The following MDH2 variants were observed in gnomAD, a reference collection of about 807,000 sequenced individuals.
MDH2 encodes malate dehydrogenase, mitochondrial.
A neutral mutation model predicts 33.6 loss-of-function variants in MDH2; 25 were observed. That is an observed-to-expected ratio of 0.74 (90% CI 0.54 to 1.04). MDH2 has a LOEUF of 1.04. MDH2 is among the 50% of genes least tolerant of loss of function. The probability of loss-of-function intolerance (pLI) is 0.00; values close to 1 mark genes in which losing one functional copy is unlikely to be tolerated. For missense variants in MDH2, 432 were observed against 445.0 expected (o/e 0.97, Z 0.26); for synonymous variants, 193 against 188.7 (o/e 1.02, Z -0.19).
At chr7:76,063,221 T>C (rs899517963) in intron 5 of MDH2, among the ~76,000 whole-genome samples, 1 of 152,114 alleles carries the variant, frequency 6.6e-6, no homozygotes, top group Non-Finnish European at 1.5e-5. Flanking sequence ...GGCAGCATCC[T>C]CCCATGCCCA....
intron 1 of MDH2, 35 bp downstream of exon 1, chr7:76,048,261 C>A (rs575482574): frequency 6.2e-5 from 95 of 1,523,702 alleles, no homozygotes; most frequent in Non-Finnish European, 7.9e-5. Flanking sequence ...CAGGCGGAGG[C>A]CCCCCGGCCC....
chr7:76,055,865 G>A (rs1436937943), intron 2 of MDH2, among the ~76,000 whole-genome samples: 1 of 127,792 alleles, frequency 7.8e-6, no homozygotes, highest in Non-Finnish European at 1.6e-5. Flanking sequence ...GTCTTCCTCT[G>A]TGTCCCAGAT....
At chr7:76,048,486 T>G (rs10243907) in intron 1 of MDH2, 1,271,782 of 1,275,150 alleles carry the variant, frequency 1, 634,284 homozygotes, top group East Asian at 1. Flanking sequence ...CTCCCAGATT[T>G]CCCAGAGGAC....
chr7:76,061,144 G>T (rs1797935608), intron 5 of MDH2, among the ~76,000 whole-genome samples: 1 of 152,264 alleles, frequency 6.6e-6, no homozygotes, highest in African/African-American at 2.4e-5. Context: ...GCCTGCTTTC[G>T]ACTTGCTTCC....
At position 76,064,799 on chromosome 7, in the gene MDH2, T is replaced by C; in HGVS notation, c.734-3T>C. 1 of 1,612,888 alleles carries C rather than the reference T, an allele frequency of 6.2e-7. No individual in the cohort carries two copies. The highest frequency in any genetic ancestry group is 1.1e-5 in the South Asian group (1 of 90,944). ...CCAGGCTGACCTGTCTGTGCCCCCC[T>C]AGGCTCTGCCACCCTCTCCATGGCG... On this transcript the variant is annotated splice_region_variant and splice_polypyrimidine_tract_variant and intron_variant, in intron 7 of 8. Transcript: ENST00000315758.
chr7:76,054,901 C>G lies in MDH2; in HGVS notation c.138C>G (p.Asn46Lys), dbSNP rs115117282. The change falls in exon 2 of 9, where the codon AAC (asparagine) becomes AAG (lysine). Residue 46 changes from asparagine to lysine, a missense_variant. Physicochemically the swap from Asn to Lys is moderately conservative, Grantham distance 94. Coordinates refer to ENST00000315758, the MANE Select transcript of MDH2 (RefSeq NM_005918.4). ...AGCCACTTTCACTTCTCCTGAAGAA[C>G]AGCCCCTTGGTGAGCCGCCTGACCC... ...IGQPLSLLLK[N>K]SPLVSRLTLY... The G allele has an allele frequency of 2.6e-5, 42 of 1,614,158 alleles. No homozygotes were observed. Among genetic ancestry groups the G allele is most frequent in the African/African-American group, 1.7e-4 (13 of 75,042 alleles).
intron 8 of MDH2, 47 bp downstream of exon 8, chr7:76,065,000 T>C (rs369525650): frequency 2.1e-5 from 34 of 1,599,398 alleles, no homozygotes; most frequent in Non-Finnish European, 2.8e-5. Flanking sequence ...TAAGGGGGCG[T>C]TCCCTTTGCT....
At chr7:76,048,435 C>T in intron 1 of MDH2, 1 of 1,125,394 alleles carries the variant, frequency 8.9e-7, no homozygotes, top group Non-Finnish European at 1.2e-6. Flanking sequence ...GCGAGGTAGT[C>T]CCGCTCCAGG....
intron 2 of MDH2, 148 bp downstream of exon 2, chr7:76,055,146 T>G: frequency 1.1e-6 from 1 of 902,304 alleles, no homozygotes; most frequent in East Asian, 2.9e-5. Flanking sequence ...ATTACACCCT[T>G]TTAGACTTGG....
intron 1 of MDH2, among the ~76,000 whole-genome samples, chr7:76,053,179 G>A (rs1160192804): frequency 1.3e-5 from 2 of 152,216 alleles, no homozygotes; most frequent in Non-Finnish European, 2.9e-5. Flanking sequence ...TAAGAAGGAG[G>A]TGGCAGAAGA....
chr7:76,058,177 C>G, intron 4 of MDH2, 99 bp downstream of exon 4: 1 of 1,117,248 alleles, frequency 9.0e-7, no homozygotes, highest in South Asian at 1.4e-5. Flanking sequence ...TGCTGATGTG[C>G]TGGGGGGATG....
chr7:76,064,334 T>G lies in MDH2; in HGVS notation c.634-5T>G, dbSNP rs1333004384. ...CACTCACTGATCCCATGGCTTGGCT[T>G]GCAGTGCACCCCCAAGGTGGACTTT... is the stretch of plus-strand genomic sequence containing the variant. On this transcript the variant is annotated splice_polypyrimidine_tract_variant and splice_region_variant and intron_variant, in intron 6 of 8. Transcript: ENST00000315758. The G allele has an allele frequency of 1.2e-6, 2 of 1,609,032 alleles. No individual in the cohort carries two copies. Among genetic ancestry groups the G allele is most frequent in the Middle Eastern group, 1.7e-4 (1 of 6,032 alleles).
chr7:76,054,693 C>T, intron 1 of MDH2, 137 bp from the exon 2 acceptor site: 1 of 993,500 alleles, frequency 1.0e-6, no homozygotes, highest in Non-Finnish European at 1.5e-6. Context: ...CAGAATGAGA[C>T]TGTTACAAAT....
At chr7:76,054,229 C>T (rs782499618) in intron 1 of MDH2, among the ~76,000 whole-genome samples, 1 of 148,208 alleles carries the variant, frequency 6.7e-6, no homozygotes, top group Non-Finnish European at 1.5e-5. Flanking sequence ...TCGCAACGTA[C>T]GTAACCCCTT....
At chr7:76,062,269 G>A (rs747386307) in intron 5 of MDH2, among the ~76,000 whole-genome samples, 21 of 152,182 alleles carry the variant, frequency 1.4e-4, no homozygotes, top group East Asian at 1.9e-4. Context: ...CTGCAAAGTC[G>A]CCTTGTCCCC....
chr7:76,054,622 T>C, intron 1 of MDH2: 1 of 620,450 alleles, frequency 1.6e-6, no homozygotes, highest in South Asian at 1.9e-5. Flanking sequence ...TCACAGACTC[T>C]ACAGACATAA....
intron 4 of MDH2, among the ~76,000 whole-genome samples, chr7:76,059,788 G>T (rs979770660): frequency 6.6e-6 from 1 of 152,184 alleles, no homozygotes; most frequent in African/African-American, 2.4e-5. Context: ...TATTCCCTTT[G>T]TTGGGGAGCT....
chr7:76,048,296 G>A, intron 1 of MDH2, 70 bp downstream of exon 1: 3 of 1,501,934 alleles, frequency 2.0e-6, no homozygotes, highest in Non-Finnish European at 2.7e-6. Context: ...CCCGGTTCGC[G>A]GGCAGCTCTG....
At chr7:76,061,668 T>A (rs927068873) in intron 5 of MDH2, among the ~76,000 whole-genome samples, 1 of 145,930 alleles carries the variant, frequency 6.9e-6, no homozygotes, top group Non-Finnish European at 1.5e-5. Context: ...ACAGTTTGAG[T>A]GAGCAGGTGA....
Sources: allele counts gnomAD v4.1 joint callset (sites outside exome capture counted in the v4.1 genomes callset), GRCh38; gene constraint gnomAD v4.1.1; transcripts MANE v1.5; gene names NCBI Gene and HGNC (gene_info 2026-07-23, HGNC 2026-07-21).